Variants in PRR16 observed in about 807,000 individuals in gnomAD.
PRR16 encodes the protein protein Largen.
Under a neutral mutation model 18.2 loss-of-function variants are expected in PRR16, and 6 were observed. The ratio of observed to expected loss-of-function variants is 0.33; its 90% CI spans 0.18 to 0.65. PRR16 has a LOEUF of 0.65. PRR16 is among the 30% of genes least tolerant of loss of function. The pLI, the probability that PRR16 is intolerant of heterozygous loss-of-function variation, is 0.74. For missense variants in PRR16, 412 were observed against 376.6 expected (o/e 1.09, Z -0.78); for synonymous variants, 151 against 147.8 (o/e 1.02, Z -0.16).
intron 1 of PRR16, among the ~76,000 whole-genome samples, chr5:120,573,206 G>T (rs1299203849): frequency 1.3e-5 from 2 of 152,150 alleles, no homozygotes; most frequent in Non-Finnish European, 2.9e-5. Flanking sequence ...ATGTTTACTA[G>T]AATTGTTTCT....
At chr5:120,761,552 T>G in the PRR16 span, among the ~76,000 whole-genome samples, 2 of 152,156 alleles carry the variant, frequency 1.3e-5, no homozygotes, top group Non-Finnish European at 2.9e-5. Flanking sequence ...AATCAAAAGT[T>G]TATTTTAAAA....
the PRR16 span, among the ~76,000 whole-genome samples, chr5:120,754,216 T>G: frequency 3.7e-5 from 2 of 54,668 alleles, no homozygotes; most frequent in Non-Finnish European, 3.3e-5. Context: ...AATTATATAT[T>G]ATAATATATA....
chr5:120,754,659 T>C, the PRR16 span, among the ~76,000 whole-genome samples: 1 of 134,036 alleles, frequency 7.5e-6, no homozygotes, highest in South Asian at 2.2e-4. Context: ...ATATTATATA[T>C]TAAGCAGAAT....
intron 1 of PRR16, among the ~76,000 whole-genome samples, chr5:120,643,024 C>T (rs1755473647): frequency 6.6e-6 from 1 of 151,996 alleles, no homozygotes; most frequent in African/African-American, 2.4e-5. Context: ...ATAGCTTGCT[C>T]TTTAAATTAC....
chr5:120,633,318 C>G (rs1264165903), intron 1 of PRR16, among the ~76,000 whole-genome samples: 1 of 151,894 alleles, frequency 6.6e-6, no homozygotes, highest in Non-Finnish European at 1.5e-5. Flanking sequence ...TGAAAAAGAA[C>G]CAATGTATTC....
the PRR16 span, among the ~76,000 whole-genome samples, chr5:120,703,334 GTTAC>G: frequency 6.6e-6 from 1 of 152,226 alleles, no homozygotes; most frequent in Admixed American, 6.5e-5. Flanking sequence ...TGATTCTCCA[GTTAC>G]TTCAGGCCAT....
chr5:120,490,852 T>C (rs893067750), intron 1 of PRR16, among the ~76,000 whole-genome samples: 3 of 152,212 alleles, frequency 2.0e-5, no homozygotes, highest in African/African-American at 7.2e-5. Flanking sequence ...CCTTTCTGTT[T>C]GTTAGTTTTC....
At chr5:120,592,754 T>C (rs1040884076) in intron 1 of PRR16, among the ~76,000 whole-genome samples, 1 of 152,124 alleles carries the variant, frequency 6.6e-6, no homozygotes, top group Non-Finnish European at 1.5e-5. Context: ...TGTTAATTCA[T>C]AGGGTATGTA....
chr5:120,667,125 C>T (rs1319070742), intron 1 of PRR16, among the ~76,000 whole-genome samples: 2 of 152,158 alleles, frequency 1.3e-5, no homozygotes, highest in Admixed American at 6.6e-5. Context: ...TGATTATTGC[C>T]ACAATTTCCG....
chr5:120,535,616 A>G (rs1159594332), intron 1 of PRR16, among the ~76,000 whole-genome samples: 3 of 152,146 alleles, frequency 2.0e-5, no homozygotes, highest in African/African-American at 7.2e-5. Context: ...CCTGGCCAAC[A>G]TGGTGAAATC....
At chr5:120,607,456 T>A (rs554447244) in intron 1 of PRR16, among the ~76,000 whole-genome samples, 3 of 152,222 alleles carry the variant, frequency 2.0e-5, no homozygotes, top group Non-Finnish European at 2.9e-5. Context: ...TTTTACTATA[T>A]AAAGAAGATT....
chr5:120,712,136 C>T, the PRR16 span, among the ~76,000 whole-genome samples: 11 of 151,986 alleles, frequency 7.2e-5, no homozygotes, highest in African/African-American at 9.7e-5. Flanking sequence ...TTTTGGTATA[C>T]GTATACATAG....
At chr5:120,700,026 G>C in the PRR16 span, among the ~76,000 whole-genome samples, 4 of 152,308 alleles carry the variant, frequency 2.6e-5, no homozygotes, top group South Asian at 2.1e-4. Context: ...AAAGCGAAGA[G>C]AGGCTGGGAT....
chr5:120,763,935 T>G, the PRR16 span, among the ~76,000 whole-genome samples: 24 of 152,176 alleles, frequency 1.6e-4, no homozygotes, highest in Admixed American at 1.6e-3. Flanking sequence ...TGAATTTGCT[T>G]ATCAGGTCTC....
At chr5:120,648,364 T>C (rs1755666280) in intron 1 of PRR16, among the ~76,000 whole-genome samples, 1 of 152,084 alleles carries the variant, frequency 6.6e-6, no homozygotes, top group Non-Finnish European at 1.5e-5. Flanking sequence ...AAATAAGGAT[T>C]CAAGCCTTTG....
intron 1 of PRR16, among the ~76,000 whole-genome samples, chr5:120,579,398 G>C (rs561283965): frequency 5.8e-4 from 89 of 152,246 alleles, no homozygotes; most frequent in African/African-American, 2.1e-3. Flanking sequence ...ATACATTTAA[G>C]TCTTTAATCC....
chr5:120,559,746 G>A (rs1186767136), intron 1 of PRR16, among the ~76,000 whole-genome samples: 1 of 151,852 alleles, frequency 6.6e-6, no homozygotes, highest in African/African-American at 2.4e-5. Flanking sequence ...ACTTCGGGTA[G>A]TATGAACATT....
Position 120,686,692 on chromosome 5 carries a change from A to G in PRR16, c.898A>G (p.Thr300Ala). ...KPQKTILRKS[T>A]TTTV ...ACAGAAGACGATCTTGAGGAAGTCA[A>G]CCACTACAACCGTGTGATGTATGCC... The change falls in exon 2 of 2, where the codon ACC becomes GCC. Residue 300 changes from threonine (T) to alanine (A), a missense_variant. Coordinates refer to ENST00000407149, the MANE Select transcript of PRR16 (RefSeq NM_001300783.2). The G allele has an allele frequency of 2.6e-6, 4 of 1,544,792 alleles. No individual in the cohort carries two copies. The highest frequency in any genetic ancestry group is 1.7e-4 in the Middle Eastern group (1 of 5,726).
chr5:120,663,116 G>A (rs573105705), intron 1 of PRR16, among the ~76,000 whole-genome samples: 7 of 152,206 alleles, frequency 4.6e-5, no homozygotes, highest in African/African-American at 1.7e-4. Flanking sequence ...TATTCTTTGT[G>A]AAAATGCGAG....
Sources: allele counts gnomAD v4.1 joint callset (sites outside exome capture counted in the v4.1 genomes callset), GRCh38; gene constraint gnomAD v4.1.1; transcripts MANE v1.5; gene names NCBI Gene and HGNC (gene_info 2026-07-23, HGNC 2026-07-21).